The following FAM53A variants were observed in gnomAD, a reference collection of about 807,000 sequenced individuals.
FAM53A encodes the protein protein FAM53A.
Under a neutral mutation model 26.6 loss-of-function variants are expected in FAM53A, and 28 were observed. The observed-to-expected ratio is 1.05, with a 90% confidence interval of 0.78 to 1.45. The LOEUF (loss-of-function observed/expected upper bound fraction) is 1.45. Ranked by LOEUF, FAM53A falls within the 40% of genes most tolerant of loss-of-function variation. FAM53A has a pLI of 0.00. For missense variants in FAM53A, 650 were observed against 575.8 expected (o/e 1.13, Z -1.32); for synonymous variants, 290 against 253.1 (o/e 1.15, Z -1.38).
chr4:1,679,851 C>A (rs1715294978), intron 1 of FAM53A, among the ~76,000 whole-genome samples: 1 of 151,734 alleles, frequency 6.6e-6, no homozygotes, highest in Non-Finnish European at 1.5e-5. Flanking sequence ...GAGTTCGAGA[C>A]CAGCCTGGCC....
intron 4 of FAM53A, among the ~76,000 whole-genome samples, chr4:1,645,240 G>T (rs978761098): frequency 6.6e-6 from 1 of 152,252 alleles, no homozygotes; most frequent in African/African-American, 2.4e-5. Flanking sequence ...AGGGCGCAGG[G>T]ATGTCCATGG....
chr4:1,628,050 CACCT>C (rs1715390977), intron 1 of FAM53A, among the ~76,000 whole-genome samples: 4 of 69,998 alleles, frequency 5.7e-5, no homozygotes, highest in Non-Finnish European at 1.2e-4. Flanking sequence ...GGGGAGGGTG[CACCT>C]CAGGGGGTGG....
At chr4:1,590,553 C>A in the FAM53A span, among the ~76,000 whole-genome samples, 1 of 152,022 alleles carries the variant, frequency 6.6e-6, no homozygotes, top group African/African-American at 2.4e-5. Context: ...GTGCCCTGCT[C>A]TCCTCAGAGA....
chr4:1,651,850 G>C lies in FAM53A; in HGVS notation c.882+3128C>G, dbSNP rs932005731. Among the ~76,000 whole-genome samples the C allele has an allele frequency of 3.3e-4, 50 of 150,166 alleles. 1 individual carries two copies. Among genetic ancestry groups the C allele is most frequent in the Middle Eastern group, 3.5e-3 (1 of 284 alleles). ...CGGGGCTGCATGGATCTGAGGGATGGATGCCCCGCGCAGCCCCAGTCCTAG... is the reference window on the plus strand; with the variant it reads ...CGGGGCTGCATGGATCTGAGGGATGCATGCCCCGCGCAGCCCCAGTCCTAG... On this transcript the variant is annotated intron_variant, in intron 4 of 4. Transcript: ENST00000308132.
chr4:1,610,302 C>T, the FAM53A span, among the ~76,000 whole-genome samples: 1 of 152,144 alleles, frequency 6.6e-6, no homozygotes, highest in East Asian at 1.9e-4. Flanking sequence ...CTCCCCTGGC[C>T]CCCGGACCCC....
rs1322991571 is a variant in FAM53A at position 1,655,293 on chromosome 4, G to A, written c.567C>T (p.Ser189=). The change falls in exon 4 of 5, where the codon TCC becomes TCT. Residue 189 remains serine (S), a synonymous_variant. Coordinates refer to ENST00000308132, the MANE Select transcript of FAM53A (RefSeq NM_001174070.3). ...PTSPATPRPS[S]ASGGFVDSSE... is the part of the protein sequence containing the mutation. ...TGCTGTCCACGAAGCCGCCGCTGGC[G>A]GAGGACGGCCGGGGCGTGGCGGGCG... is the stretch of plus-strand genomic sequence containing the variant. 8.4e-6 allele frequency: 12 copies of A among 1,425,620 alleles called. No homozygotes were observed. The highest frequency in any genetic ancestry group is 3.0e-5 in the African/African-American group (2 of 66,536). The allele number at this position is 1,425,620 out of a possible 1,614,324, so 88.3% of individuals were successfully genotyped here.
At chr4:1,681,724 A>G (rs1042620897) in intron 1 of FAM53A, among the ~76,000 whole-genome samples, 1 of 151,250 alleles carries the variant, frequency 6.6e-6, no homozygotes, top group African/African-American at 2.4e-5. Context: ...GCTGGTCTCC[A>G]ACTCCTGGGC....
chr4:1,606,218 TG>T, the FAM53A span, among the ~76,000 whole-genome samples: 2 of 151,654 alleles, frequency 1.3e-5, no homozygotes, highest in African/African-American at 2.4e-5. Flanking sequence ...TTTTTTTTTT[TG>T]TATTTTTAGT....
the FAM53A span, among the ~76,000 whole-genome samples, chr4:1,576,115 TAA>T: frequency 6.6e-6 from 1 of 152,084 alleles, no homozygotes. Flanking sequence ...TTGGCTCCAA[TAA>T]AGAGCAAATC....
At chr4:1,607,653 C>T in the FAM53A span, among the ~76,000 whole-genome samples, 2 of 152,162 alleles carry the variant, frequency 1.3e-5, no homozygotes, top group Non-Finnish European at 2.9e-5. Context: ...TGGCTTCACC[C>T]GCCCAGTCCG....
At chr4:1,626,676 C>T (rs1017313681) in intron 1 of FAM53A, among the ~76,000 whole-genome samples, 3 of 146,650 alleles carry the variant, frequency 2.0e-5, no homozygotes, top group South Asian at 2.2e-4. Context: ...CGGGGGGACC[C>T]GGGGAGGACC....
rs530099561 is a variant in FAM53A, at chr4:1,618,026, C to T, written c.*47G>A. 17 of 456,302 alleles carry T rather than the reference C, an allele frequency of 3.7e-5. No individual in the cohort carries two copies. The East Asian group carries it at 6.9e-4, about 19-fold the overall frequency. 28.3% of individuals were successfully genotyped at this position (456,302 alleles called of 1,614,324 possible). A position where few individuals can be genotyped will look rare whatever the true frequency, so the allele number is the denominator to read the frequency against. ...GGCATAGAGCCGACCAGTGAGGAGA[C>T]GGCTGTCAGATGCCGTGAAGATGGG... On this transcript the variant is annotated 3_prime_UTR_variant, in exon 2 of 2. Coordinates refer to the FAM53A transcript ENST00000489029.
chr4:1,589,241 T>C, the FAM53A span, among the ~76,000 whole-genome samples: 22 of 152,370 alleles, frequency 1.4e-4, no homozygotes, highest in African/African-American at 3.8e-4. Flanking sequence ...CAGATAATCA[T>C]GCAATTCTTC....
chr4:1,583,476 G>A, the FAM53A span, among the ~76,000 whole-genome samples: 2 of 152,198 alleles, frequency 1.3e-5, no homozygotes, highest in Non-Finnish European at 2.9e-5. Flanking sequence ...GTGCTCCCAG[G>A]AGGACAATAA....
the FAM53A span, among the ~76,000 whole-genome samples, chr4:1,577,086 G>A: frequency 6.6e-6 from 1 of 152,112 alleles, no homozygotes; most frequent in Admixed American, 6.5e-5. Flanking sequence ...TGGGGACAGG[G>A]GCACTTCCCG....
rs1213470377 is a variant in FAM53A at position 1,650,474 on chromosome 4, G to A, written c.882+4504C>T. On this transcript the variant is annotated intron_variant, in intron 4 of 4. Transcript: ENST00000308132. ...GGTGGCACAGGCGTGGTGGTTTTTG[G>A]TTTTGATTTTGGTTTTTTCTGTTGT... Among the ~76,000 whole-genome samples the A allele has an allele frequency of 2.6e-5, 4 of 152,062 alleles. 1 individual carries two copies. The highest frequency in any genetic ancestry group is 5.9e-5 in the Non-Finnish European group (4 of 67,994).
At chr4:1,632,163 C>CAAA (rs33944808) in intron 1 of FAM53A, among the ~76,000 whole-genome samples, 9 of 107,442 alleles carry the variant, frequency 8.4e-5, no homozygotes, top group African/African-American at 2.3e-4. Context: ...GATTCCATCT[C>CAAA]AAAAAAAAAA....
intron 1 of FAM53A, among the ~76,000 whole-genome samples, chr4:1,624,804 C>T (rs895398637): frequency 8.5e-5 from 13 of 152,242 alleles, no homozygotes; most frequent in Non-Finnish European, 4.4e-5. Flanking sequence ...CCCCCAGAGG[C>T]CCTCCTGGAA....
At chr4:1,677,919 T>A (rs1715152704) in intron 1 of FAM53A, among the ~76,000 whole-genome samples, 2 of 152,178 alleles carry the variant, frequency 1.3e-5, no homozygotes, top group African/African-American at 4.8e-5. Context: ...CGCCCCAGCC[T>A]GGGTGACAGA....
Sources: allele counts gnomAD v4.1 joint callset (sites outside exome capture counted in the v4.1 genomes callset), GRCh38; gene constraint gnomAD v4.1.1; transcripts MANE v1.5; gene names NCBI Gene and HGNC (gene_info 2026-07-23, HGNC 2026-07-21).